ME1: variants seen among roughly 807,000 people sequenced by gnomAD.
The protein encoded by ME1 is malic enzyme 1.
In ME1, 74 loss-of-function variants were observed where a neutral mutation model predicts 66.4. The ratio of observed to expected loss-of-function variants is 1.11; its 90% CI spans 0.92 to 1.35. The LOEUF is 1.35. ME1 is among the 40% of genes most tolerant of loss of function. The pLI is 0.00. For synonymous variants in ME1, 251 were observed against 235.6 expected (o/e 1.07, Z -0.60); for missense variants, 750 against 694.1 (o/e 1.08, Z -0.90).
intron 7 of ME1, among the ~76,000 whole-genome samples, chr6:83,243,804 T>G (rs28461994): frequency 1.5e-5 from 2 of 135,328 alleles, no homozygotes; most frequent in East Asian, 4.0e-4. Flanking sequence ...TATTTATATA[T>G]TATATATTAT....
chr6:83,290,053 T>C (rs1036475819), intron 6 of ME1, among the ~76,000 whole-genome samples: 1 of 152,218 alleles, frequency 6.6e-6, no homozygotes, highest in African/African-American at 2.4e-5. Context: ...TAGAGGGCTA[T>C]TTTGTTGATC....
At position 83,315,294 on chromosome 6, in the gene ME1, A is replaced by C; in HGVS notation, c.704+16T>G. On this transcript the variant is annotated intron_variant, in intron 6 of 13. Transcript: ENST00000369705. ...ATTGTTACTGACTAAAATATAGGTT[A>C]AATAAAGATACATACTTGGAAGAAA... 1 of 1,481,036 alleles carries C rather than the reference A, an allele frequency of 6.8e-7. No homozygotes were observed. The highest frequency in any genetic ancestry group is 9.4e-7 in the Non-Finnish European group (1 of 1,066,172). The allele number at this position is 1,481,036 out of a possible 1,614,324, so 91.7% of individuals were successfully genotyped here.
At chr6:83,426,433 T>C (rs1770371814) in intron 1 of ME1, among the ~76,000 whole-genome samples, 1 of 152,252 alleles carries the variant, frequency 6.6e-6, no homozygotes, top group African/African-American at 2.4e-5. Flanking sequence ...GGTACCTGGC[T>C]GTATATGACT....
intron 10 of ME1, 107 bp downstream of exon 10, chr6:83,228,719 G>T: frequency 1.3e-6 from 1 of 756,974 alleles, no homozygotes; most frequent in South Asian, 1.8e-5. Flanking sequence ...CGAACGTGTA[G>T]TTTTTTGAAT....
At chr6:83,294,409 T>C (rs1767557059) in intron 6 of ME1, among the ~76,000 whole-genome samples, 1 of 152,070 alleles carries the variant, frequency 6.6e-6, no homozygotes, top group Non-Finnish European at 1.5e-5. Context: ...ACCTAATAAA[T>C]ATTCTATCCG....
intron 1 of ME1, among the ~76,000 whole-genome samples, chr6:83,428,903 T>C (rs747998512): frequency 1.3e-5 from 2 of 152,210 alleles, no homozygotes; most frequent in Non-Finnish European, 2.9e-5. Flanking sequence ...GATACTATTA[T>C]TCTGAAGTAG....
chr6:83,352,737 C>T (rs189427968), intron 3 of ME1, among the ~76,000 whole-genome samples: 1 of 152,220 alleles, frequency 6.6e-6, no homozygotes, highest in East Asian at 1.9e-4. Flanking sequence ...CCATTTCCTA[C>T]AAAATCTTAA....
At chr6:83,321,317 C>A (rs1768168681) in intron 5 of ME1, among the ~76,000 whole-genome samples, 1 of 152,124 alleles carries the variant, frequency 6.6e-6, no homozygotes, top group Admixed American at 6.5e-5. Context: ...ACCATTCACA[C>A]CCCTGAAAAG....
chr6:83,222,273 G>A (rs1488836430), intron 12 of ME1, among the ~76,000 whole-genome samples: 1 of 152,056 alleles, frequency 6.6e-6, no homozygotes, highest in Non-Finnish European at 1.5e-5. Flanking sequence ...ACATCAGCTG[G>A]CATGCTTTTT....
chr6:83,239,165 C>T (rs1482233836), intron 8 of ME1, among the ~76,000 whole-genome samples: 1 of 151,892 alleles, frequency 6.6e-6, no homozygotes, highest in African/African-American at 2.4e-5. Flanking sequence ...ATTTTAAAAA[C>T]TTGTTTTTGT....
intron 6 of ME1, among the ~76,000 whole-genome samples, chr6:83,275,993 A>G (rs1170078231): frequency 6.6e-6 from 1 of 151,576 alleles, no homozygotes; most frequent in Non-Finnish European, 1.5e-5. Context: ...GATGGTCGCG[A>G]TCTTCTGACC....
chr6:83,319,195 C>T (rs1294155926), intron 5 of ME1, among the ~76,000 whole-genome samples: 3 of 150,910 alleles, frequency 2.0e-5, no homozygotes, highest in African/African-American at 7.3e-5. Context: ...GGAGATATAC[C>T]TAATGCTAGA....
chr6:83,406,745 C>T (rs1769951827), intron 2 of ME1, among the ~76,000 whole-genome samples: 1 of 152,026 alleles, frequency 6.6e-6, no homozygotes, highest in South Asian at 2.1e-4. Flanking sequence ...ATCAGATTAC[C>T]CTCCAAAATA....
chr6:83,357,935 C>CTCTCTCTCTA (rs1447805761), intron 3 of ME1, among the ~76,000 whole-genome samples: 11 of 30,036 alleles, frequency 3.7e-4, no homozygotes, highest in African/African-American at 5.9e-4. Flanking sequence ...CTCTCTCTCT[C>CTCTCTCTCTA]TATATATATA....
At chr6:83,325,948 C>CAAAAAAAAAAAAAAAA (rs199839173) in intron 5 of ME1, among the ~76,000 whole-genome samples, 1 of 120,818 alleles carries the variant, frequency 8.3e-6, no homozygotes, top group Non-Finnish European at 1.8e-5. Flanking sequence ...ACGAAGCAAA[C>CAAAAAAAAAAAAAAAA]AAAAAAAAAA....
chr6:83,424,141 T>C (rs1770323816), intron 1 of ME1, among the ~76,000 whole-genome samples: 1 of 151,832 alleles, frequency 6.6e-6, no homozygotes, highest in Non-Finnish European at 1.5e-5. Context: ...ATTACTATTT[T>C]AAAAATATTT....
chr6:83,305,821 T>C (rs922635402), intron 6 of ME1, among the ~76,000 whole-genome samples: 2 of 152,182 alleles, frequency 1.3e-5, no homozygotes, highest in African/African-American at 2.4e-5. Flanking sequence ...CCCAAATCAA[T>C]TTTCTAAGTT....
At chr6:83,229,974 C>A in intron 9 of ME1, among the ~76,000 whole-genome samples, 1 of 151,962 alleles carries the variant, frequency 6.6e-6, no homozygotes, top group East Asian at 1.9e-4. Flanking sequence ...AGGCATGCAC[C>A]ACCATGCTTG....
intron 3 of ME1, among the ~76,000 whole-genome samples, chr6:83,378,675 CTTT>C (rs759346424): frequency 2.9e-5 from 4 of 137,656 alleles, no homozygotes; most frequent in Non-Finnish European, 3.2e-5. Context: ...CTTTCTTCCT[CTTT>C]TTTTTTTTTT....
Sources: allele counts gnomAD v4.1 joint callset (sites outside exome capture counted in the v4.1 genomes callset), GRCh38; gene constraint gnomAD v4.1.1; transcripts MANE v1.5; gene names NCBI Gene and HGNC (gene_info 2026-07-23, HGNC 2026-07-21).